Variants in ZFPM2 observed in about 807,000 individuals in gnomAD.
ZFPM2 encodes zinc finger protein ZFPM2.
Under a neutral mutation model 98.6 loss-of-function variants are expected in ZFPM2, and 20 were observed. The observed-to-expected ratio is 0.20, with a 90% confidence interval of 0.14 to 0.29. ZFPM2 has a LOEUF of 0.29. Ranked by LOEUF, ZFPM2 falls within the 10% of genes least tolerant of loss-of-function variation. ZFPM2 has a pLI of 1.00. For missense variants in ZFPM2, 1,310 were observed against 1,388.6 expected (o/e 0.94, Z 0.90); for synonymous variants, 518 against 502.7 (o/e 1.03, Z -0.41).
chr8:105,767,380 A>C (rs1401580821), intron 5 of ZFPM2, among the ~76,000 whole-genome samples: 1 of 151,928 alleles, frequency 6.6e-6, no homozygotes, highest in Non-Finnish European at 1.5e-5. Context: ...TCAGGATTGG[A>C]GCGATTTAAA....
chr8:105,459,311 G>A (rs1414053041), intron 3 of ZFPM2, among the ~76,000 whole-genome samples: 1 of 152,102 alleles, frequency 6.6e-6, no homozygotes, highest in African/African-American at 2.4e-5. Context: ...TCCAAACTGG[G>A]TGTGTGTGTG....
intron 2 of ZFPM2, among the ~76,000 whole-genome samples, chr8:105,434,608 A>G (rs1333890426): frequency 6.6e-6 from 1 of 152,212 alleles, no homozygotes; most frequent in African/African-American, 2.4e-5. Context: ...TGTGATATCT[A>G]TTCTCTGATA....
intron 4 of ZFPM2, among the ~76,000 whole-genome samples, chr8:105,567,232 T>C (rs1455542118): frequency 6.6e-6 from 1 of 152,178 alleles, no homozygotes; most frequent in East Asian, 1.9e-4. Context: ...TTCACCTCTA[T>C]AGGCAAAGGC....
intron 7 of ZFPM2, among the ~76,000 whole-genome samples, chr8:105,800,100 A>G (rs934489386): frequency 1.3e-5 from 2 of 151,560 alleles, no homozygotes; most frequent in Middle Eastern, 3.4e-3. Flanking sequence ...AGCTAAATGG[A>G]AAAAAAAATG....
intron 3 of ZFPM2, among the ~76,000 whole-genome samples, chr8:105,478,112 C>T (rs577847217): frequency 4.1e-4 from 63 of 152,252 alleles, no homozygotes; most frequent in African/African-American, 1.4e-3. Flanking sequence ...CATTGTTTTC[C>T]TCATTAGACA....
At chr8:105,376,772 C>T (rs187988053) in intron 1 of ZFPM2, among the ~76,000 whole-genome samples, 77 of 152,300 alleles carry the variant, frequency 5.1e-4, no homozygotes, top group Middle Eastern at 6.8e-3. Flanking sequence ...AGATCATCAT[C>T]TTCTCTTGCC....
intron 5 of ZFPM2, among the ~76,000 whole-genome samples, chr8:105,704,346 A>G (rs975750481): frequency 1.3e-5 from 2 of 152,210 alleles, no homozygotes; most frequent in African/African-American, 4.8e-5. Context: ...GATGCAGCTT[A>G]AAGACTGACG....
At chr8:105,364,023 T>C (rs912538560) in intron 1 of ZFPM2, among the ~76,000 whole-genome samples, 27 of 152,240 alleles carry the variant, frequency 1.8e-4, no homozygotes, top group African/African-American at 6.5e-4. Flanking sequence ...AAGAGGAAGA[T>C]GTGTTGTAGA....
intron 5 of ZFPM2, among the ~76,000 whole-genome samples, chr8:105,641,862 T>C (rs1816954280): frequency 1.3e-5 from 2 of 152,108 alleles, no homozygotes; most frequent in South Asian, 2.1e-4. Flanking sequence ...TTAGATGTGC[T>C]GTCCTATTTT....
chr8:105,419,030 C>A, intron 1 of ZFPM2, 114 bp from the exon 2 acceptor site: 1 of 902,978 alleles, frequency 1.1e-6, no homozygotes, highest in Non-Finnish European at 1.7e-6. Flanking sequence ...GGTGGTACTA[C>A]TTAGAGTATA....
At chr8:105,334,780 T>C (rs2129639872) in intron 1 of ZFPM2, among the ~76,000 whole-genome samples, 1 of 151,872 alleles carries the variant, frequency 6.6e-6, no homozygotes, top group East Asian at 1.9e-4. Flanking sequence ...TACATATTAT[T>C]ATATGCAGAC....
At chr8:105,403,271 T>C (rs1226500160) in intron 1 of ZFPM2, among the ~76,000 whole-genome samples, 1 of 152,074 alleles carries the variant, frequency 6.6e-6, no homozygotes, top group African/African-American at 2.4e-5. Flanking sequence ...AATGTAGGAT[T>C]ATATATTATT....
intron 3 of ZFPM2, among the ~76,000 whole-genome samples, chr8:105,532,230 T>C (rs1488533163): frequency 6.6e-6 from 1 of 152,166 alleles, no homozygotes; most frequent in Non-Finnish European, 1.5e-5. Context: ...ATTAAATTTA[T>C]GTTTTATACA....
chr8:105,366,588 A>C (rs551536327), intron 1 of ZFPM2, among the ~76,000 whole-genome samples: 401 of 151,904 alleles, frequency 2.6e-3, no homozygotes, highest in African/African-American at 9.1e-3. Flanking sequence ...TTACATATGT[A>C]TACATGTGCC....
intron 2 of ZFPM2, among the ~76,000 whole-genome samples, chr8:105,422,663 TG>T (rs1811819369): frequency 1.3e-5 from 2 of 152,264 alleles, no homozygotes; most frequent in South Asian, 2.1e-4. Context: ...GTAAATTGAA[TG>T]TTTTTTTCTT....
At chr8:105,599,573 A>C (rs1165515476) in intron 4 of ZFPM2, among the ~76,000 whole-genome samples, 1 of 152,002 alleles carries the variant, frequency 6.6e-6, no homozygotes, top group Non-Finnish European at 1.5e-5. Flanking sequence ...TCAGAGTATC[A>C]AGGAAGGATT....
At position 105,654,495 on chromosome 8, in the gene ZFPM2, G is replaced by C. The variant is rs753411224; in HGVS notation, c.532+20138G>C. 1.4e-4 allele frequency among the ~76,000 whole-genome samples: 22 copies of C among 152,262 alleles called. 1 individual carries two copies. The highest frequency in any genetic ancestry group is 7.2e-4 in the Admixed American group (11 of 15,294). The stretch of plus-strand genomic sequence containing the variant: ...GACTTCTAATACACATCCAGTTCTT[G>C]GATTGGATTTGAAGTTTTGTGCCGG... On this transcript the variant is annotated intron_variant, in intron 5 of 7. Coordinates refer to ENST00000407775, the MANE Select transcript of ZFPM2 (RefSeq NM_012082.4).
chr8:105,648,192 G>A (rs1242127818), intron 5 of ZFPM2, among the ~76,000 whole-genome samples: 4 of 152,134 alleles, frequency 2.6e-5, no homozygotes, highest in Non-Finnish European at 5.9e-5. Flanking sequence ...AGAAGTGTCT[G>A]TTCATGTCCT....
At chr8:105,672,648 C>T (rs1304648665) in intron 5 of ZFPM2, among the ~76,000 whole-genome samples, 1 of 151,930 alleles carries the variant, frequency 6.6e-6, no homozygotes, top group Admixed American at 6.6e-5. Flanking sequence ...GTTGTTGTTT[C>T]CTGCCTTATT....
Sources: allele counts gnomAD v4.1 joint callset (sites outside exome capture counted in the v4.1 genomes callset), GRCh38; gene constraint gnomAD v4.1.1; transcripts MANE v1.5; gene names NCBI Gene and HGNC (gene_info 2026-07-23, HGNC 2026-07-21).